Variants in RFX4 observed in about 807,000 individuals in gnomAD.
RFX4 encodes regulatory factor X4.
Under a neutral mutation model 95.0 loss-of-function variants are expected in RFX4, and 10 were observed. The observed-to-expected ratio is 0.11, with a 90% confidence interval of 0.06 to 0.18. The LOEUF (loss-of-function observed/expected upper bound fraction) is 0.18. Among genes scored for constraint, RFX4 ranks in the 10% least tolerant of loss-of-function variants. RFX4 has a pLI of 1.00. For missense variants in RFX4, 640 were observed against 922.0 expected (o/e 0.69, Z 3.96); for synonymous variants, 321 against 340.7 (o/e 0.94, Z 0.64).
At chr12:106,692,725 T>C (rs1565982375) in intron 7 of RFX4, among the ~76,000 whole-genome samples, 1 of 152,210 alleles carries the variant, frequency 6.6e-6, no homozygotes, top group Non-Finnish European at 1.5e-5. Context: ...TTTATGCTTG[T>C]AAGGTGTAAG....
chr12:106,720,793 T>A lies in RFX4; in HGVS notation c.1268T>A (p.Val423Glu). ...AAKRQGSLKK[V>E]AQQFLLMWSC... ...AAGAGACAAGGGTCCTTGAAGAAAG[T>A]GGCCCAGCAGTTCCTCTTGATGTGG... The change falls in exon 13 of 18, where the codon GTG becomes GAG. Residue 423 changes from valine to glutamate, a missense_variant. This residue lies in a region of RFX4 where 72 missense variants were observed against 80.5 expected (regional missense o/e 0.89). Transcript: ENST00000392842. The surrounding 1 kb of genome is among the most constrained non-coding windows in gnomAD (Gnocchi z 4.2). 3.7e-6 allele frequency: 6 copies of A among 1,613,984 alleles called. No homozygotes were observed. The highest frequency in any genetic ancestry group is 5.1e-6 in the Non-Finnish European group (6 of 1,180,040).
At chr12:106,687,283 G>C (rs2041680340) in intron 6 of RFX4, among the ~76,000 whole-genome samples, 186 bp downstream of exon 6, 2 of 151,896 alleles carry the variant, frequency 1.3e-5, no homozygotes, top group African/African-American at 4.8e-5. Context: ...GCCAGGAGAG[G>C]TGGCTCATGC....
At position 106,636,390 on chromosome 12, in the gene RFX4, C is replaced by CA. The variant is rs34305367; in HGVS notation, c.131-2925dup. 7.3e-3 allele frequency among the ~76,000 whole-genome samples: 563 copies of CA among 76,706 alleles called. 1 individual carries two copies. Among genetic ancestry groups the CA allele is most frequent in the East Asian group, 0.014 (33 of 2,366 alleles). The allele number at this position is 76,706 out of a possible 152,430, so 50.3% of individuals were successfully genotyped here. A position where few individuals can be genotyped will look rare whatever the true frequency, so the allele number is the denominator to read the frequency against. ...GGGTGGCAAGAGCAAAACTCTGTCT[C>CA]AAAAAAAAAAAAAAAAAGAAAAGAA... On this transcript the variant is annotated intron_variant, in intron 2 of 17. Transcript: ENST00000392842.
At chr12:106,611,216 T>C (rs368804732) in intron 2 of RFX4, among the ~76,000 whole-genome samples, 1 of 152,340 alleles carries the variant, frequency 6.6e-6, no homozygotes, top group East Asian at 1.9e-4. Context: ...TCTTAACCTC[T>C]TATCAGTTAT....
intron 4 of RFX4, among the ~76,000 whole-genome samples, chr12:106,657,301 G>C (rs182107775): frequency 6.6e-6 from 1 of 152,166 alleles, no homozygotes; most frequent in Admixed American, 6.5e-5. Context: ...AAATACATTG[G>C]TAGTAGTCTC....
intron 13 of RFX4, among the ~76,000 whole-genome samples, chr12:106,724,133 C>T (rs951835978): frequency 6.6e-6 from 1 of 152,166 alleles, no homozygotes; most frequent in African/African-American, 2.4e-5. Context: ...TGAGGTAGTA[C>T]TTGAAGGATT....
chr12:106,761,064 A>T (rs1283445679), intron 17 of RFX4, 133 bp from the exon 18 acceptor site: 1 of 978,300 alleles, frequency 1.0e-6, no homozygotes, highest in Non-Finnish European at 1.5e-6. Flanking sequence ...GTAGAAGTTC[A>T]GTGATTCTTC....
intron 13 of RFX4, among the ~76,000 whole-genome samples, chr12:106,729,104 T>C (rs1283855897): frequency 6.6e-6 from 1 of 152,230 alleles, no homozygotes; most frequent in East Asian, 1.9e-4. Context: ...TTTCCTTGTC[T>C]TATAAAACAA....
At chr12:106,638,381 T>G (rs2040555894) in intron 2 of RFX4, among the ~76,000 whole-genome samples, 1 of 152,192 alleles carries the variant, frequency 6.6e-6, no homozygotes, top group Non-Finnish European at 1.5e-5. Flanking sequence ...CTACATAATA[T>G]TCTTGATTTT....
At chr12:106,744,421 A>G (rs2137598355) in intron 15 of RFX4, among the ~76,000 whole-genome samples, 1 of 152,274 alleles carries the variant, frequency 6.6e-6, no homozygotes, top group East Asian at 1.9e-4. Flanking sequence ...ATAGAATCTC[A>G]CCCAAGAAAC....
intron 13 of RFX4, among the ~76,000 whole-genome samples, chr12:106,723,541 G>A (rs2042434409): frequency 6.6e-6 from 1 of 152,160 alleles, no homozygotes; most frequent in Non-Finnish European, 1.5e-5. Context: ...GACAGCTGAG[G>A]GGCACAATTG....
At chr12:106,658,436 A>G (rs188277230) in intron 4 of RFX4, among the ~76,000 whole-genome samples, 2 of 152,338 alleles carry the variant, frequency 1.3e-5, no homozygotes, top group Admixed American at 1.3e-4. Context: ...GTCTTGGCTG[A>G]ATAATTACAG....
chr12:106,650,403 G>GTCAA (rs1475006183), intron 3 of RFX4, among the ~76,000 whole-genome samples: 2 of 152,182 alleles, frequency 1.3e-5, no homozygotes, highest in South Asian at 2.1e-4. Flanking sequence ...AAGTGTTGAA[G>GTCAA]TCAAATCTCT....
chr12:106,633,532 A>T (rs951235116), intron 2 of RFX4, among the ~76,000 whole-genome samples: 1 of 152,200 alleles, frequency 6.6e-6, no homozygotes, highest in Non-Finnish European at 1.5e-5. Context: ...TCTAGTTCTT[A>T]ACATATTATA....
rs752664978 is a variant in RFX4 at position 106,732,256 on chromosome 12, C to T, written c.1471+7C>T. ...AAGGGAGAAGGAAGCACTGGTAAGC[C>T]AGCATTTTCCTGGGAATTGCACCAC... On this transcript the variant is annotated splice_region_variant and intron_variant, in intron 14 of 17. Transcript: ENST00000392842. The T allele has an allele frequency of 3.7e-6, 6 of 1,613,468 alleles. No homozygotes were observed. Among genetic ancestry groups the T allele is most frequent in the Non-Finnish European group, 4.2e-6 (5 of 1,179,736 alleles).
intron 2 of RFX4, among the ~76,000 whole-genome samples, chr12:106,621,327 A>C (rs2040182411): frequency 6.6e-6 from 1 of 152,110 alleles, no homozygotes; most frequent in Non-Finnish European, 1.5e-5. Context: ...GCAAGTGTTG[A>C]GTTTTGTTCT....
intron 2 of RFX4, among the ~76,000 whole-genome samples, chr12:106,620,682 C>T (rs1458870093): frequency 2.0e-5 from 3 of 151,964 alleles, no homozygotes; most frequent in African/African-American, 4.8e-5. Flanking sequence ...AAACAGGGAT[C>T]GAGAGCAGAG....
intron 3 of RFX4, among the ~76,000 whole-genome samples, chr12:106,645,351 G>A (rs1164467241): frequency 6.6e-6 from 1 of 151,920 alleles, no homozygotes. Flanking sequence ...TGCCCCCTCC[G>A]TGCCCCGCCC....
intron 6 of RFX4, 144 bp from the exon 7 acceptor site, chr12:106,689,143 C>T (rs1168046393): frequency 2.7e-6 from 2 of 732,166 alleles, no homozygotes; most frequent in Admixed American, 4.3e-5. Context: ...ATCAGTCTCA[C>T]CTGGGTCTGG....
Sources: allele counts gnomAD v4.1 joint callset (sites outside exome capture counted in the v4.1 genomes callset), GRCh38; gene constraint gnomAD v4.1.1; regional missense constraint gnomAD v4.1.1; non-coding constraint Gnocchi (gnomAD v3.1); transcripts MANE v1.5; gene names NCBI Gene and HGNC (gene_info 2026-07-23, HGNC 2026-07-21).